The following SPEF2 variants were observed in gnomAD, a reference collection of about 807,000 sequenced individuals.
SPEF2 encodes the protein sperm flagella and cilia-associated protein 2.
In SPEF2, 187 loss-of-function variants were observed where a neutral mutation model predicts 224.6. The ratio of observed to expected loss-of-function variants is 0.83; its 90% CI spans 0.74 to 0.94. The LOEUF (loss-of-function observed/expected upper bound fraction) is 0.94. Ranked by LOEUF, SPEF2 falls within the 40% of genes least tolerant of loss-of-function variation. The probability of loss-of-function intolerance (pLI) is 0.00; values close to 1 mark genes in which losing one functional copy is unlikely to be tolerated. For missense variants in SPEF2, 2,170 were observed against 2,135.6 expected (o/e 1.02, Z -0.32); for synonymous variants, 715 against 707.3 (o/e 1.01, Z -0.17).
intron 2 of SPEF2, among the ~76,000 whole-genome samples, chr5:35,633,600 T>TTA (rs2149382646): frequency 6.6e-6 from 1 of 152,122 alleles, no homozygotes; most frequent in Non-Finnish European, 1.5e-5. Context: ...GTAATTGTAG[T>TTA]TATTTAATCC....
In SPEF2 at chr5:35,753,679, A is replaced by C; in HGVS notation, c.3386A>C (p.Gln1129Pro). ...GATGCCCGGAAGGAAGAGGCGGAGC[A>C]GGAGCGGCTTGACATCATTAATGAG... is the stretch of plus-strand genomic sequence containing the variant. ...ICDARKEEAE[Q>P]ERLDIINESW... Residue 1129 changes from glutamine to proline, a missense_variant, in exon 24 of 37, where the codon CAG becomes CCG. Physicochemically the swap from Gln to Pro is moderately conservative, Grantham distance 76 (BLOSUM62 -1). Coordinates refer to ENST00000356031, the MANE Select transcript of SPEF2 (RefSeq NM_024867.4). 1.9e-6 allele frequency: 3 copies of C among 1,614,190 alleles called. No individual in the cohort carries two copies. Among genetic ancestry groups the C allele is most frequent in the Non-Finnish European group, 2.5e-6 (3 of 1,180,016 alleles).
At chr5:35,738,296 T>A (rs1746997453) in intron 21 of SPEF2, among the ~76,000 whole-genome samples, 1 of 152,082 alleles carries the variant, frequency 6.6e-6, no homozygotes, top group Non-Finnish European at 1.5e-5. Context: ...CCCATGCCTG[T>A]GTCCTGAATG....
At chr5:35,804,120 C>G (rs1229374078) in intron 34 of SPEF2, among the ~76,000 whole-genome samples, 2 of 152,196 alleles carry the variant, frequency 1.3e-5, no homozygotes, top group Non-Finnish European at 2.9e-5. Context: ...GAAACACATA[C>G]ATTTCTATGC....
chr5:35,686,851 T>G (rs1160913364), intron 10 of SPEF2, among the ~76,000 whole-genome samples: 4 of 152,118 alleles, frequency 2.6e-5, no homozygotes, highest in Non-Finnish European at 5.9e-5. Flanking sequence ...ATCCTTAACC[T>G]TTCATCAAAT....
In SPEF2 at chr5:35,654,715, G is replaced by A. The variant is rs1225208490; in HGVS notation, c.967G>A (p.Glu323Lys). The change falls in exon 7 of 37, where the codon GAA (glutamate) becomes AAA (lysine). Residue 323 changes from glutamate to lysine, a missense_variant. Transcript: ENST00000356031. Reference protein sequence around the residue: ...KLLMDQLIAHEAQEEAYREEQ... With the variant: ...KLLMDQLIAHKAQEEAYREEQ... ...GTTAATGGACCAGTTAATAGCCCAC[G>A]AAGCACAAGAGGTAAGATATTTAGA... The A allele has an allele frequency of 3.1e-6, 5 of 1,604,572 alleles. No individual in the cohort carries two copies. Among genetic ancestry groups the A allele is most frequent in the Admixed American group, 3.5e-5 (2 of 56,998 alleles).
At chr5:35,725,085 T>C (rs1170998527) in intron 20 of SPEF2, among the ~76,000 whole-genome samples, 1 of 152,178 alleles carries the variant, frequency 6.6e-6, no homozygotes, top group Non-Finnish European at 1.5e-5. Context: ...AACCGTGAGT[T>C]CTGAGAACAC....
chr5:35,716,465 A>G (rs1480275940), intron 20 of SPEF2, among the ~76,000 whole-genome samples: 1 of 152,126 alleles, frequency 6.6e-6, no homozygotes, highest in Non-Finnish European at 1.5e-5. Flanking sequence ...AATTAGACAT[A>G]ATTAACACAT....
rs965638257 is a variant in SPEF2 at position 35,710,803 on chromosome 5, C to T, written c.2839+1682C>T. 1.4e-5 allele frequency: 14 copies of T among 984,888 alleles called. No homozygotes were observed. In the Admixed American group the frequency reaches 2.5e-4, roughly 17 times the overall value. The allele number at this position is 984,888 out of a possible 1,614,324, so 61.0% of individuals were successfully genotyped here. On this transcript the variant is annotated intron_variant, in intron 19 of 36. Coordinates refer to ENST00000356031, the MANE Select transcript of SPEF2 (RefSeq NM_024867.4). ...TTGTTTGCTATTTTATAATTATATT[C>T]TTGAATACTGTGCATTGAAGAAATA...
At chr5:35,692,488 T>C (rs555312374) in intron 11 of SPEF2, 82 bp from the exon 12 acceptor site, 44 of 1,090,858 alleles carry the variant, frequency 4.0e-5, no homozygotes, top group Admixed American at 8.6e-5. Flanking sequence ...GACAGTGTTA[T>C]AGGACAAAAC....
intron 3 of SPEF2, among the ~76,000 whole-genome samples, chr5:35,642,565 C>T (rs769979359): frequency 1.3e-5 from 2 of 152,116 alleles, no homozygotes; most frequent in Non-Finnish European, 2.9e-5. Context: ...ATGTCTAGTA[C>T]AATGCTTCAA....
intron 2 of SPEF2, among the ~76,000 whole-genome samples, chr5:35,631,340 T>C (rs1008423468): frequency 1.3e-5 from 2 of 152,172 alleles, no homozygotes; most frequent in Non-Finnish European, 2.9e-5. Flanking sequence ...GAGCTACAAG[T>C]TGAGATTTGG....
chr5:35,752,660 G>A (rs2149725681), intron 23 of SPEF2, among the ~76,000 whole-genome samples: 1 of 152,346 alleles, frequency 6.6e-6, no homozygotes, highest in East Asian at 1.9e-4. Context: ...TTTCATTAAT[G>A]GGACTGAAGC....
chr5:35,789,564 G>C, intron 30 of SPEF2: 1 of 652,496 alleles, frequency 1.5e-6, no homozygotes, highest in Non-Finnish European at 2.7e-6. Context: ...CAGAGGGAAA[G>C]AAAACATTTC....
At chr5:35,779,010 A>C (rs114896374) in intron 29 of SPEF2, 107 bp from the exon 30 acceptor site, 2 of 720,432 alleles carry the variant, frequency 2.8e-6, no homozygotes, top group Admixed American at 6.7e-5. Flanking sequence ...GGAGTTGTCT[A>C]AGAGCTATAT....
chr5:35,735,459 C>T (rs184367095), intron 21 of SPEF2, among the ~76,000 whole-genome samples: 8 of 152,200 alleles, frequency 5.3e-5, no homozygotes, highest in African/African-American at 1.9e-4. Flanking sequence ...TTCTGCTCAA[C>T]AGAAGAAAAA....
intron 21 of SPEF2, among the ~76,000 whole-genome samples, chr5:35,729,742 C>T (rs556388798): frequency 3.3e-5 from 5 of 152,224 alleles, no homozygotes; most frequent in East Asian, 1.9e-4. Context: ...GTGGGAGAGA[C>T]TCAGGGGAGA....
At chr5:35,664,833 A>G (rs199824519) in intron 8 of SPEF2, among the ~76,000 whole-genome samples, 1 of 5,562 alleles carries the variant, frequency 1.8e-4, no homozygotes, top group Non-Finnish European at 3.8e-4. Flanking sequence ...AGAGGAAGGA[A>G]GGAGGAGAGA....
At chr5:35,780,986 T>A (rs1754266300) in intron 30 of SPEF2, among the ~76,000 whole-genome samples, 1 of 152,000 alleles carries the variant, frequency 6.6e-6, no homozygotes, top group African/African-American at 2.4e-5. Flanking sequence ...AAATAAATTT[T>A]AAAAAATAGC....
In SPEF2 at chr5:35,712,847, G is replaced by A. The variant is rs370686698; in HGVS notation, c.2875G>A (p.Gly959Arg). 3.7e-5 allele frequency: 59 copies of A among 1,613,648 alleles called. No homozygotes were observed. In the African/African-American group the frequency reaches 6.5e-4, roughly 18 times the overall value. ...PHGKQESLQEGKGKKGETALK... is the reference protein window; with the variant it reads ...PHGKQESLQERKGKKGETALK... ...TGGTAAGCAAGAATCTCTTCAGGAA[G>A]GAAAAGGGAAGAAAGGTGAGACCGC... The change falls in exon 20 of 37, where the codon GGA becomes AGA. Residue 959 changes from glycine (G) to arginine (R), a missense_variant. Physicochemically the swap from Gly to Arg is moderately radical, Grantham distance 125 (BLOSUM62 -2). Transcript: ENST00000356031.
Sources: allele counts gnomAD v4.1 joint callset (sites outside exome capture counted in the v4.1 genomes callset), GRCh38; gene constraint gnomAD v4.1.1; transcripts MANE v1.5; gene names NCBI Gene and HGNC (gene_info 2026-07-23, HGNC 2026-07-21).